CD300A: variants seen among roughly 807,000 people sequenced by gnomAD.
CD300A encodes CMRF35-like molecule 8.
CD300A carries 22 observed loss-of-function variants against 33.6 expected under a neutral mutation model. The ratio of observed to expected loss-of-function variants is 0.66; its 90% CI spans 0.47 to 0.94. The LOEUF is 0.94. CD300A is among the 40% of genes least tolerant of loss of function. The probability of loss-of-function intolerance (pLI) is 0.00; values close to 1 mark genes in which losing one functional copy is unlikely to be tolerated. For synonymous variants in CD300A, 136 were observed against 148.1 expected (o/e 0.92, Z 0.59); for missense variants, 326 against 360.5 (o/e 0.90, Z 0.77).
chr17:74,476,684 T>C (rs973683492), intron 3 of CD300A, among the ~76,000 whole-genome samples: 1 of 152,204 alleles, frequency 6.6e-6, no homozygotes, highest in Non-Finnish European at 1.5e-5. Context: ...AGGCGATTTA[T>C]AAGCAACGTT....
At chr17:74,481,418 G>A in intron 5 of CD300A, 92 bp downstream of exon 5, 1 of 1,204,790 alleles carries the variant, frequency 8.3e-7, no homozygotes, top group Non-Finnish European at 1.2e-6. Flanking sequence ...GCCAACGGAG[G>A]TTGGATGGAG....
At chr17:74,477,415 A>AC (rs1906540525) in intron 3 of CD300A, 21 bp from the exon 4 acceptor site, 1 of 1,593,800 alleles carries the variant, frequency 6.3e-7, no homozygotes, top group Admixed American at 1.7e-5. Flanking sequence ...CCCCGCCCTT[A>AC]CCATCCTGTG....
intron 1 of CD300A, among the ~76,000 whole-genome samples, chr17:74,473,244 G>A (rs1239019258): frequency 6.6e-6 from 1 of 152,086 alleles, no homozygotes; most frequent in African/African-American, 2.4e-5. Context: ...TGAGGTGAAG[G>A]AGTCAGGGGC....
chr17:74,477,649 A>G (rs1369245139), intron 4 of CD300A, 119 bp downstream of exon 4: 2 of 627,776 alleles, frequency 3.2e-6, no homozygotes, highest in South Asian at 2.0e-5. Flanking sequence ...TGACACCCAG[A>G]CCACACATCC....
At chr17:74,479,251 T>C (rs1906679430) in intron 4 of CD300A, among the ~76,000 whole-genome samples, 2 of 152,002 alleles carry the variant, frequency 1.3e-5, no homozygotes, top group South Asian at 4.2e-4. Context: ...TTTTTCTCTT[T>C]TTTGAGACAG....
intron 3 of CD300A, among the ~76,000 whole-genome samples, chr17:74,475,827 C>T (rs897570531): frequency 6.6e-6 from 1 of 152,136 alleles, no homozygotes; most frequent in Non-Finnish European, 1.5e-5. Flanking sequence ...GTTCCCAGGA[C>T]CCCCCCAGGT....
chr17:74,474,018 G>GAGAGACCCCCTGACT, intron 2 of CD300A, 144 bp downstream of exon 2: 1 of 905,908 alleles, frequency 1.1e-6, no homozygotes, highest in Non-Finnish European at 1.6e-6. Context: ...ACACAGTCAG[G>GAGAGACCCCCTGACT]GGGTCTCTCC....
intron 6 of CD300A, among the ~76,000 whole-genome samples, chr17:74,483,320 C>T (rs12943442): frequency 1.3e-5 from 2 of 151,470 alleles, no homozygotes; most frequent in African/African-American, 4.9e-5. Flanking sequence ...ATGGCTGCTT[C>T]GTTGTGAGAA....
rs762727465 is a variant in CD300A at position 74,473,787 on chromosome 17, G to T, written c.292G>T (p.Ala98Ser). The change falls in exon 2 of 7, where the codon GCA becomes TCA. Residue 98 changes from alanine (A) to serine (S), a missense_variant. Physicochemically the swap from Ala to Ser is moderately conservative, Grantham distance 99 (BLOSUM62 1). Coordinates refer to ENST00000360141, the MANE Select transcript of CD300A (RefSeq NM_007261.4). ...VTLENLTEED[A>S]GTYWCGVDTP... ...CCTGGAGAATCTCACAGAGGAGGAT[G>T]CAGGCACCTACTGGTGTGGGGTGGA... 6.2e-7 allele frequency: 1 copy of T among 1,614,242 alleles called. No individual in the cohort carries two copies. The highest frequency in any genetic ancestry group is 8.5e-7 in the Non-Finnish European group (1 of 1,180,036).
chr17:74,473,041 C>T (rs749072032), intron 1 of CD300A, among the ~76,000 whole-genome samples: 5 of 151,912 alleles, frequency 3.3e-5, no homozygotes, highest in Non-Finnish European at 7.4e-5. Context: ...CCCGGGAGTG[C>T]AGGTGCTTAG....
chr17:74,474,797 C>A, intron 3 of CD300A, 112 bp downstream of exon 3: 1 of 1,176,390 alleles, frequency 8.5e-7, no homozygotes, highest in East Asian at 2.7e-5. Flanking sequence ...CTCCCTTTGC[C>A]CCAGGCCCAG....
rs2144517679 is a variant in CD300A, at chr17:74,474,574, C to T, written c.422C>T (p.Thr141Ile). 6.2e-7 allele frequency: 1 copy of T among 1,614,196 alleles called. No individual in the cohort carries two copies. Among genetic ancestry groups the T allele is most frequent in the South Asian group, 1.1e-5 (1 of 91,088 alleles). ...MTPASITAAK[T>I]STITTAFPPV... Reference sequence around the variant, plus strand: ...CCTGCAAGTATCACTGCGGCCAAGACCTCAACAATCACAACTGCATTTCCA... The same window carrying T: ...CCTGCAAGTATCACTGCGGCCAAGATCTCAACAATCACAACTGCATTTCCA... Residue 141 changes from threonine (T) to isoleucine (I), a missense_variant, in exon 3 of 7, where the codon ACC (threonine) becomes ATC (isoleucine). Physicochemically the swap from Thr to Ile is moderately conservative, Grantham distance 89. Coordinates refer to ENST00000360141, the MANE Select transcript of CD300A (RefSeq NM_007261.4).
At chr17:74,473,314 A>G (rs1350468533) in intron 1 of CD300A, among the ~76,000 whole-genome samples, 1 of 151,614 alleles carries the variant, frequency 6.6e-6, no homozygotes, top group Non-Finnish European at 1.5e-5. Flanking sequence ...ACTCCAGGGC[A>G]CCCAGCCTGA....
At chr17:74,469,938 T>C (rs1905984603) in intron 1 of CD300A, 10 of 984,984 alleles carry the variant, frequency 1.0e-5, no homozygotes, top group African/African-American at 1.7e-5. Context: ...TTTCTGTGAA[T>C]TCACCAGTTC....
At chr17:74,466,872 C>G (rs1454490368) in intron 1 of CD300A, 129 bp downstream of exon 1, 2 of 1,523,234 alleles carry the variant, frequency 1.3e-6, no homozygotes, top group East Asian at 2.5e-5. Context: ...GCGGTGCGCT[C>G]TGTCTACCAC....
intron 1 of CD300A, among the ~76,000 whole-genome samples, chr17:74,471,487 A>G (rs62087214): frequency 0.069 from 10,520 of 152,326 alleles, 513 homozygotes; most frequent in African/African-American, 0.14. Context: ...CTCAAAGGCC[A>G]TATGAGTCAG....
At chr17:74,476,950 G>T (rs1408026743) in intron 3 of CD300A, among the ~76,000 whole-genome samples, 5 of 152,060 alleles carry the variant, frequency 3.3e-5, no homozygotes, top group East Asian at 3.9e-4. Flanking sequence ...ACTCTGGAAG[G>T]TTCTTAAGAA....
chr17:74,466,983 A>G, intron 1 of CD300A: 1 of 1,408,572 alleles, frequency 7.1e-7, no homozygotes, highest in Non-Finnish European at 9.2e-7. Flanking sequence ...CAGCGGGGCA[A>G]GTGATAAGGG....
chr17:74,478,944 A>T (rs1300770139), intron 4 of CD300A, among the ~76,000 whole-genome samples: 1 of 152,122 alleles, frequency 6.6e-6, no homozygotes, highest in Non-Finnish European at 1.5e-5. Flanking sequence ...AAACTTCAGC[A>T]CCCACGTGGA....
Sources: gnomAD v4.1 joint callset for allele counts (sites outside exome capture counted in the v4.1 genomes callset) on GRCh38, gnomAD v4.1.1 for gene constraint, MANE v1.5 for transcripts, NCBI Gene and HGNC (gene_info 2026-07-23, HGNC 2026-07-21) for gene names.